The following CALN1 variants were observed in gnomAD, a reference collection of about 807,000 sequenced individuals.
CALN1 encodes the protein calcium-binding protein 8.
Under a neutral mutation model 30.6 loss-of-function variants are expected in CALN1, and 17 were observed. The ratio of observed to expected loss-of-function variants is 0.56; its 90% CI spans 0.38 to 0.83. The LOEUF (loss-of-function observed/expected upper bound fraction) is 0.83, where lower values mean the gene tolerates loss of function less well. Among genes scored for constraint, CALN1 ranks in the 40% least tolerant of loss-of-function variants. CALN1 has a pLI of 0.00. For synonymous variants in CALN1, 156 were observed against 131.4 expected, an observed-to-expected ratio of 1.19 and a Z score of -1.28; for missense variants, 291 against 354.9, an observed-to-expected ratio of 0.82 and a Z score of 1.45.
At chr7:72,336,691 C>A in intron 2 of CALN1, 2 of 985,622 alleles carry the variant, frequency 2.0e-6, no homozygotes, top group Non-Finnish European at 2.4e-6. Flanking sequence ...AGGGAGCCGG[C>A]GGCGGCACTC....
At chr7:71,946,912 G>C (rs954890790) in intron 5 of CALN1, among the ~76,000 whole-genome samples, 5 of 151,882 alleles carry the variant, frequency 3.3e-5, no homozygotes, top group African/African-American at 1.2e-4. Context: ...TGAACTCCTG[G>C]GCTCAAGCAA....
chr7:72,435,733 A>G (rs1244344849), intron 1 of CALN1, among the ~76,000 whole-genome samples: 1 of 152,236 alleles, frequency 6.6e-6, no homozygotes, highest in African/African-American at 2.4e-5. Flanking sequence ...GCAAATGCAC[A>G]CAGGCGAAAA....
rs1280490938 is a variant in CALN1 at position 71,787,354 on chromosome 7, A to T, written c.*421T>A. The T allele has an allele frequency of 1.2e-5, 2 of 168,844 alleles. No individual in the cohort carries two copies. Among genetic ancestry groups the T allele is most frequent in the African/African-American group, 4.7e-5 (2 of 42,354 alleles). The allele number at this position is 168,844 out of a possible 1,614,324, so 10.5% of individuals were successfully genotyped here. ...GAACTGAGGGTTGACCTCAGCAGAG[A>T]GTCTCCTGTTGACCCTTGGGTTGAA... On this transcript the variant is annotated 3_prime_UTR_variant, in exon 7 of 7. Transcript: ENST00000395275.
At position 71,785,044 on chromosome 7, in the gene CALN1, C is replaced by A; in HGVS notation, c.*2731G>T. On this transcript the variant is annotated 3_prime_UTR_variant, in exon 7 of 7. Transcript: ENST00000395275. ...GGGACAAACTCTGAGCTCCTGAAGT[C>A]TAAGGAATGCCGCTAGCTCAGGGCC... 1 of 395,314 alleles carries A rather than the reference C, an allele frequency of 2.5e-6. No individual in the cohort carries two copies. The highest frequency in any genetic ancestry group is 3.6e-5 in the East Asian group (1 of 27,938). 24.5% of individuals were successfully genotyped at this position (395,314 alleles called of 1,614,324 possible). A position where few individuals can be genotyped will look rare whatever the true frequency, so the allele number is the denominator to read the frequency against.
At chr7:72,167,458 C>T (rs906085982) in intron 3 of CALN1, among the ~76,000 whole-genome samples, 5 of 152,156 alleles carry the variant, frequency 3.3e-5, no homozygotes, top group Admixed American at 6.5e-5. Context: ...AATTCTCCTG[C>T]GTCAGCCTTC....
At chr7:71,904,400 T>C (rs763525522) in intron 5 of CALN1, among the ~76,000 whole-genome samples, 7 of 152,210 alleles carry the variant, frequency 4.6e-5, no homozygotes, top group African/African-American at 9.6e-5. Flanking sequence ...TGCAACAACA[T>C]GGATGGAACT....
chr7:72,088,744 GGGAA>G (rs1206549369), intron 4 of CALN1, among the ~76,000 whole-genome samples: 3 of 146,058 alleles, frequency 2.1e-5, no homozygotes, highest in Non-Finnish European at 4.5e-5. Flanking sequence ...AAGGAAGGAA[GGGAA>G]GGAAGGAAGA....
chr7:72,355,723 G>T (rs760383363), intron 2 of CALN1, among the ~76,000 whole-genome samples: 1 of 152,094 alleles, frequency 6.6e-6, no homozygotes, highest in South Asian at 2.1e-4. Flanking sequence ...TGAAATTCTA[G>T]AACAGAAAAA....
chr7:71,964,820 G>T (rs1797451255), intron 5 of CALN1, among the ~76,000 whole-genome samples: 1 of 152,132 alleles, frequency 6.6e-6, no homozygotes, highest in Non-Finnish European at 1.5e-5. Flanking sequence ...TGTTGGGAAT[G>T]AGATGGGCTT....
At chr7:72,405,157 C>T (rs1313964343) in intron 1 of CALN1, among the ~76,000 whole-genome samples, 3 of 152,148 alleles carry the variant, frequency 2.0e-5, no homozygotes, top group African/African-American at 7.2e-5. Context: ...ATTGGGCCGG[C>T]ACTTCCCAAG....
chr7:72,406,668 G>A (rs573169843), intron 1 of CALN1, among the ~76,000 whole-genome samples: 21 of 150,528 alleles, frequency 1.4e-4, no homozygotes, highest in African/African-American at 4.9e-4. Flanking sequence ...CCAGGCTGGA[G>A]TGCAGTAGCG....
At chr7:72,072,084 G>C (rs1180123202) in intron 4 of CALN1, among the ~76,000 whole-genome samples, 1 of 152,140 alleles carries the variant, frequency 6.6e-6, no homozygotes, top group Non-Finnish European at 1.5e-5. Flanking sequence ...CTGAGAAAGA[G>C]AAAAGGGTAG....
chr7:72,156,409 G>A (rs1024382631), intron 3 of CALN1, among the ~76,000 whole-genome samples: 6 of 152,146 alleles, frequency 3.9e-5, no homozygotes, highest in Admixed American at 6.5e-5. Context: ...GGCACTCTCC[G>A]GCAGCATCTG....
chr7:72,075,912 G>C (rs934171947), intron 4 of CALN1, among the ~76,000 whole-genome samples: 1 of 152,194 alleles, frequency 6.6e-6, no homozygotes, highest in African/African-American at 2.4e-5. Flanking sequence ...GGATCTGAGA[G>C]TGGATGTCTC....
intron 2 of CALN1, among the ~76,000 whole-genome samples, chr7:72,366,149 TTTTATTTTA>T (rs958296906): frequency 1.4e-5 from 1 of 72,866 alleles, no homozygotes; most frequent in Non-Finnish European, 4.7e-5. Context: ...TTTTTATCTT[TTTTATTTTA>T]TTTTTAATTT....
chr7:72,033,021 G>C (rs1801559861), intron 4 of CALN1, among the ~76,000 whole-genome samples: 2 of 152,318 alleles, frequency 1.3e-5, no homozygotes, highest in South Asian at 4.1e-4. Context: ...TCTTGAATGA[G>C]CAAGTAGCTG....
chr7:72,477,422 T>C, the CALN1 span, among the ~76,000 whole-genome samples: 1 of 152,032 alleles, frequency 6.6e-6, no homozygotes, highest in Non-Finnish European at 1.5e-5. Context: ...TTACCCCTTT[T>C]TTAATTTTTG....
chr7:72,389,218 G>A (rs892883463), intron 2 of CALN1, among the ~76,000 whole-genome samples: 1 of 152,084 alleles, frequency 6.6e-6, no homozygotes, highest in Non-Finnish European at 1.5e-5. Context: ...CACCCCCTGG[G>A]GACCAATCCC....
intron 5 of CALN1, among the ~76,000 whole-genome samples, chr7:71,823,297 G>A (rs1380164584): frequency 1.3e-5 from 2 of 151,970 alleles, no homozygotes; most frequent in African/African-American, 2.4e-5. Flanking sequence ...ATCCTCCTGT[G>A]TAGCTGGGAT....
Sources: gnomAD v4.1 joint callset for allele counts (sites outside exome capture counted in the v4.1 genomes callset) on GRCh38, gnomAD v4.1.1 for gene constraint, MANE v1.5 for transcripts, NCBI Gene and HGNC (gene_info 2026-07-23, HGNC 2026-07-21) for gene names.